DAB1: variants seen among roughly 807,000 people sequenced by gnomAD.
DAB1 encodes the protein DAB adaptor protein 1.
Under a neutral mutation model 64.6 loss-of-function variants are expected in DAB1, and 15 were observed. The observed-to-expected ratio is 0.23, with a 90% CI of 0.16 to 0.36. The LOEUF (loss-of-function observed/expected upper bound fraction) is 0.36. Ranked by LOEUF, DAB1 falls within the 10% of genes least tolerant of loss-of-function variation. The probability of loss-of-function intolerance (pLI) is 1.00; values close to 1 mark genes in which losing one functional copy is unlikely to be tolerated. For synonymous variants in DAB1, 235 were observed against 251.9 expected, an observed-to-expected ratio of 0.93 and a Z score of 0.64; for missense variants, 596 against 706.7, an observed-to-expected ratio of 0.84 and a Z score of 1.78.
At chr1:58,176,059 T>A (rs1036156497) in intron 4 of DAB1, among the ~76,000 whole-genome samples, 2 of 152,176 alleles carry the variant, frequency 1.3e-5, no homozygotes, top group African/African-American at 4.8e-5. Flanking sequence ...TGGGTAGCCA[T>A]CACTCTCTCC....
chr1:57,825,099 G>A (rs898369800), downstream of DAB1, among the ~76,000 whole-genome samples: 1 of 152,188 alleles, frequency 6.6e-6, no homozygotes, highest in African/African-American at 2.4e-5. Flanking sequence ...ACGTGAAAAG[G>A]GTGACCCAGT....
intron 7 of DAB1, among the ~76,000 whole-genome samples, chr1:57,476,236 A>G (rs1179568015): frequency 1.3e-5 from 2 of 151,648 alleles, no homozygotes; most frequent in East Asian, 3.9e-4. Context: ...CAAAAAAAAA[A>G]AAAACAAAAA....
chr1:58,498,864 C>G (rs1422625746), intron 3 of DAB1, among the ~76,000 whole-genome samples: 2 of 151,986 alleles, frequency 1.3e-5, no homozygotes, highest in Admixed American at 6.5e-5. Flanking sequence ...TGGATTCTGA[C>G]TAGTTTTTGA....
At chr1:58,418,851 G>T (rs990504462) in intron 3 of DAB1, among the ~76,000 whole-genome samples, 1 of 152,144 alleles carries the variant, frequency 6.6e-6, no homozygotes, top group Non-Finnish European at 1.5e-5. Flanking sequence ...TCATCTTTCT[G>T]AGCCTGTTCC....
At chr1:58,337,334 G>GT (rs1663144545) in intron 4 of DAB1, among the ~76,000 whole-genome samples, 1 of 150,770 alleles carries the variant, frequency 6.6e-6, no homozygotes, top group South Asian at 2.1e-4. Flanking sequence ...ATAAATTGGA[G>GT]TAACGTGGTG....
chr1:57,718,030 A>G (rs1305448321), intron 6 of DAB1, among the ~76,000 whole-genome samples: 1 of 152,152 alleles, frequency 6.6e-6, no homozygotes, highest in Non-Finnish European at 1.5e-5. Context: ...AAGTTCTGGT[A>G]GTGTTTTTCT....
At position 58,376,655 on chromosome 1, in the gene DAB1, G is replaced by C. The variant is rs1350852364; in HGVS notation, n.258-33252C>G. Among the ~76,000 whole-genome samples the C allele has an allele frequency of 2.1e-5, 3 of 143,088 alleles. 1 individual carries two copies. Among genetic ancestry groups the C allele is most frequent in the Non-Finnish European group, 3.1e-5 (2 of 64,498 alleles). 93.9% of individuals were successfully genotyped at this position (143,088 alleles called of 152,430 possible). A position where few individuals can be genotyped will look rare whatever the true frequency, so the allele number is the denominator to read the frequency against. ...TGGTGCTGAAAAAAATGTATATTCTGTTGATTTGGGGTGGAGAGTTCTGTA... is the reference window on the plus strand; with the variant it reads ...TGGTGCTGAAAAAAATGTATATTCTCTTGATTTGGGGTGGAGAGTTCTGTA... On this transcript the variant is annotated intron_variant and non_coding_transcript_variant, in intron 3 of 20. Coordinates refer to the DAB1 transcript ENST00000485760.
chr1:57,364,858 TATATATATATATAG>T, intron 1 of DAB1, among the ~76,000 whole-genome samples: 1 of 146,132 alleles, frequency 6.8e-6, no homozygotes, highest in Admixed American at 6.9e-5. Context: ...TATATATGTA[TATATATATATATAG>T]AGAGAGAAAG....
intron 2 of DAB1, among the ~76,000 whole-genome samples, chr1:57,217,356 G>A (rs1352441534): frequency 1.3e-5 from 2 of 152,190 alleles, no homozygotes; most frequent in Non-Finnish European, 1.5e-5. Context: ...AGCCTTATGG[G>A]GCCTGAGGGA....
At chr1:58,530,588 G>C (rs373209306) in intron 1 of DAB1, 2 of 869,804 alleles carry the variant, frequency 2.3e-6, no homozygotes, top group Non-Finnish European at 4.0e-6. Flanking sequence ...TCAAGTTATT[G>C]TCTCAGACTT....
rs141051502 is a variant in DAB1 at position 57,930,997 on chromosome 1, T to C, written n.388-46835A>G. ...TATCATGTTAGTTGTAGGTTTTTCA[T>C]GGATATTCTTTCTCAAATTGAGGGA... On this transcript the variant is annotated intron_variant and non_coding_transcript_variant, in intron 5 of 20. Transcript: ENST00000485760. Among the ~76,000 whole-genome samples the C allele has an allele frequency of 3.3e-5, 5 of 152,328 alleles. No homozygotes were observed. The East Asian group carries it at 9.6e-4, about 29-fold the overall frequency.
At chr1:57,660,222 A>G (rs1243722354) in intron 6 of DAB1, among the ~76,000 whole-genome samples, 4 of 152,140 alleles carry the variant, frequency 2.6e-5, no homozygotes, top group Non-Finnish European at 5.9e-5. Context: ...AGAGCCTCCT[A>G]TATTCTAAGA....
At chr1:58,489,393 G>A (rs933880824) in intron 3 of DAB1, among the ~76,000 whole-genome samples, 8 of 152,224 alleles carry the variant, frequency 5.3e-5, no homozygotes, top group African/African-American at 1.9e-4. Flanking sequence ...CGAGGCTGGG[G>A]GAGGGGTGCC....
chr1:58,058,486 A>G (rs1648285023), intron 5 of DAB1, among the ~76,000 whole-genome samples: 1 of 152,192 alleles, frequency 6.6e-6, no homozygotes, highest in South Asian at 2.1e-4. Flanking sequence ...ATGGTGCAAT[A>G]ACTCTCTGCC....
At chr1:57,598,915 G>A (rs1235312179) in intron 7 of DAB1, among the ~76,000 whole-genome samples, 1 of 152,064 alleles carries the variant, frequency 6.6e-6, no homozygotes, top group Non-Finnish European at 1.5e-5. Context: ...CATTTCATGA[G>A]GTCTCAGATT....
At chr1:58,411,033 T>A (rs1303253091) in intron 3 of DAB1, among the ~76,000 whole-genome samples, 2 of 152,240 alleles carry the variant, frequency 1.3e-5, no homozygotes. Flanking sequence ...CCATCTAATT[T>A]AATTCTCTGT....
chr1:57,563,408 G>C (rs530790022), intron 7 of DAB1, among the ~76,000 whole-genome samples: 88 of 152,302 alleles, frequency 5.8e-4, no homozygotes, highest in African/African-American at 2.0e-3. Context: ...TGAGGTACCA[G>C]GTTTATCTCA....
In DAB1 at chr1:58,313,318, C is replaced by T. The variant is rs901981619; in HGVS notation, n.309+30034G>A. Among the ~76,000 whole-genome samples, 10 of 152,210 alleles carry T rather than the reference C, an allele frequency of 6.6e-5. No homozygotes were observed. In the South Asian group the frequency reaches 2.1e-3, roughly 32 times the overall value. On this transcript the variant is annotated intron_variant and non_coding_transcript_variant, in intron 4 of 20. Transcript: ENST00000485760. ...TTTGGGGCTAGTAGTAGGTGGGGCT[C>T]CTTGACATCTCTAGGTCTGAAGGGG...
chr1:57,353,056 C>T (rs766931770), intron 1 of DAB1, among the ~76,000 whole-genome samples: 22 of 151,308 alleles, frequency 1.5e-4, no homozygotes, highest in Non-Finnish European at 3.1e-4. Flanking sequence ...GAGCCAATTC[C>T]TTATAATAAA....
Sources: gnomAD v4.1 joint callset for allele counts (sites outside exome capture counted in the v4.1 genomes callset) on GRCh38, gnomAD v4.1.1 for gene constraint, MANE v1.5 for transcripts, NCBI Gene and HGNC (gene_info 2026-07-23, HGNC 2026-07-21) for gene names.